GLIS3: variants seen among roughly 807,000 people sequenced by gnomAD.
GLIS3 encodes GLIS family zinc finger 3, also known as zinc finger protein GLIS3.
GLIS3 carries 53 observed loss-of-function variants against 78.6 expected under a neutral mutation model. That is an observed-to-expected ratio of 0.67 (90% CI 0.54 to 0.85). GLIS3 has a LOEUF of 0.85. Ranked by LOEUF, GLIS3 falls within the 40% of genes least tolerant of loss-of-function variation. GLIS3 has a pLI of 0.00. For missense variants in GLIS3, 1,703 were observed against 1,231.1 expected (o/e 1.38, Z -5.74); for synonymous variants, 684 against 509.9 (o/e 1.34, Z -4.60).
At chr9:3,956,673 G>T (rs1435214084) in intron 4 of GLIS3, among the ~76,000 whole-genome samples, 1 of 152,104 alleles carries the variant, frequency 6.6e-6, no homozygotes, top group Non-Finnish European at 1.5e-5. Flanking sequence ...TGATCTCACA[G>T]ACCAGTTGTA....
chr9:4,269,120 CAGACA>C (rs541567888), intron 2 of GLIS3, among the ~76,000 whole-genome samples: 11 of 152,204 alleles, frequency 7.2e-5, no homozygotes, highest in Non-Finnish European at 1.0e-4. Context: ...TTAAAATTGA[CAGACA>C]AGACAACTCC....
At chr9:3,829,230 G>C (rs189201164) in intron 10 of GLIS3, 80 bp downstream of exon 10, 97 of 1,246,826 alleles carry the variant, frequency 7.8e-5, no homozygotes, top group Middle Eastern at 7.5e-4. Context: ...GTCACGTCCA[G>C]CCCAGGTCGG....
chr9:4,047,189 G>C (rs947716435), intron 4 of GLIS3, among the ~76,000 whole-genome samples: 4 of 151,956 alleles, frequency 2.6e-5, no homozygotes, highest in South Asian at 2.1e-4. Context: ...TTCACAAGGG[G>C]CTCTTCCCCC....
At chr9:4,366,388 A>C in the GLIS3 span, among the ~76,000 whole-genome samples, 1 of 152,126 alleles carries the variant, frequency 6.6e-6, no homozygotes, top group Non-Finnish European at 1.5e-5. Context: ...GTGAAAAAAA[A>C]CCCTCACAAC....
At position 4,335,063 on chromosome 9, in the gene GLIS3, T is replaced by A. The variant is rs187444628; in HGVS notation, n.264+12018A>T. Among the ~76,000 whole-genome samples, 452 of 152,100 alleles carry A rather than the reference T, an allele frequency of 3.0e-3. 4 individuals are homozygous for A. The highest frequency in any genetic ancestry group is 0.01 in the African/African-American group (435 of 41,492). On this transcript the variant is annotated intron_variant and non_coding_transcript_variant, in intron 2 of 4. Coordinates refer to the GLIS3 transcript ENST00000471664. The stretch of plus-strand genomic sequence containing the variant: ...AGCTGGGACTACAGGCGCCCGCCAC[T>A]ATACCTGGCTAATTTTTTGTGTTTT...
At chr9:3,840,439 TAC>T (rs1470749223) in intron 9 of GLIS3, among the ~76,000 whole-genome samples, 1 of 152,174 alleles carries the variant, frequency 6.6e-6, no homozygotes, top group Non-Finnish European at 1.5e-5. Flanking sequence ...TTCATTTTAA[TAC>T]AGAGTCTATA....
At chr9:4,043,141 T>C (rs535423457) in intron 4 of GLIS3, among the ~76,000 whole-genome samples, 133 of 152,238 alleles carry the variant, frequency 8.7e-4, no homozygotes, top group Middle Eastern at 3.4e-3. Context: ...ACAGCCCCAC[T>C]CAAGGTCCCA....
chr9:4,020,193 T>A (rs1175367088), intron 4 of GLIS3, among the ~76,000 whole-genome samples: 2 of 152,098 alleles, frequency 1.3e-5, no homozygotes, highest in Non-Finnish European at 2.9e-5. Flanking sequence ...GCAAGGAAGC[T>A]AAGTCAGGGG....
chr9:4,183,382 T>C (rs1482367789), intron 2 of GLIS3, among the ~76,000 whole-genome samples: 1 of 152,198 alleles, frequency 6.6e-6, no homozygotes, highest in East Asian at 1.9e-4. Context: ...ATGCCATTCA[T>C]TACTCATATA....
intron 4 of GLIS3, among the ~76,000 whole-genome samples, chr9:3,954,197 C>T (rs779700262): frequency 6.6e-6 from 1 of 152,128 alleles, no homozygotes; most frequent in African/African-American, 2.4e-5. Flanking sequence ...CTAAAAATTA[C>T]CTTTCTTTTT....
intron 3 of GLIS3, among the ~76,000 whole-genome samples, chr9:4,123,010 T>A (rs551783942): frequency 6.6e-6 from 1 of 152,242 alleles, no homozygotes; most frequent in African/African-American, 2.4e-5. Context: ...TAAGGCAGGA[T>A]TCTTATTATT....
At chr9:4,193,536 T>G (rs974943255) in intron 2 of GLIS3, among the ~76,000 whole-genome samples, 23 of 152,222 alleles carry the variant, frequency 1.5e-4, no homozygotes, top group Admixed American at 7.2e-4. Context: ...GCTGAGAAAA[T>G]GACACACGGC....
chr9:4,344,114 C>G (rs947492516), intron 2 of GLIS3, among the ~76,000 whole-genome samples: 2 of 152,146 alleles, frequency 1.3e-5, no homozygotes, highest in African/African-American at 4.8e-5. Context: ...ATTCCATTTC[C>G]TACCTTAACA....
intron 4 of GLIS3, among the ~76,000 whole-genome samples, chr9:4,104,429 G>C (rs1037934677): frequency 4.6e-5 from 7 of 152,148 alleles, no homozygotes; most frequent in African/African-American, 1.4e-4. Flanking sequence ...TGGATATTAA[G>C]TAGAAAGACC....
intron 4 of GLIS3, among the ~76,000 whole-genome samples, chr9:3,960,488 T>C (rs1401196927): frequency 1.3e-5 from 2 of 152,232 alleles, no homozygotes; most frequent in Non-Finnish European, 1.5e-5. Flanking sequence ...TCTCTTACTA[T>C]ACCTATCCAT....
chr9:3,950,000 A>G (rs932315034), intron 4 of GLIS3, among the ~76,000 whole-genome samples: 1 of 152,148 alleles, frequency 6.6e-6, no homozygotes, highest in Admixed American at 6.5e-5. Context: ...CTCAAAGTAC[A>G]TATTCCAACA....
chr9:4,471,668 G>A, the GLIS3 span, among the ~76,000 whole-genome samples: 1 of 152,240 alleles, frequency 6.6e-6, no homozygotes, highest in Non-Finnish European at 1.5e-5. Flanking sequence ...AGAAAACCCA[G>A]GCAATACCAT....
At chr9:4,437,895 G>C in the GLIS3 span, among the ~76,000 whole-genome samples, 7 of 152,112 alleles carry the variant, frequency 4.6e-5, no homozygotes, top group African/African-American at 1.7e-4. Flanking sequence ...GAAGGATACA[G>C]CATATAATAC....
the GLIS3 span, among the ~76,000 whole-genome samples, chr9:4,435,954 A>AAAAC: frequency 6.6e-6 from 1 of 152,156 alleles, no homozygotes; most frequent in Non-Finnish European, 1.5e-5. Flanking sequence ...GTCTCAAAAC[A>AAAAC]AAACAAAACA....
Sources: allele counts gnomAD v4.1 joint callset (sites outside exome capture counted in the v4.1 genomes callset), GRCh38; gene constraint gnomAD v4.1.1; transcripts MANE v1.5; gene names NCBI Gene and HGNC (gene_info 2026-07-23, HGNC 2026-07-21).